The following CRYAB variants were observed in gnomAD, a reference collection of about 807,000 sequenced individuals.
The protein encoded by CRYAB is crystallin alpha B.
A neutral mutation model predicts 12.7 loss-of-function variants in CRYAB; 9 were observed. The observed-to-expected ratio is 0.71, with a 90% CI of 0.43 to 1.24. The LOEUF (loss-of-function observed/expected upper bound fraction) is 1.24. Ranked by LOEUF, CRYAB falls within the 50% of genes most tolerant of loss-of-function variation. The pLI, the probability that CRYAB is intolerant of heterozygous loss-of-function variation, is 0.00. For synonymous variants in CRYAB, 93 were observed against 86.8 expected (o/e 1.07, Z -0.40); for missense variants, 183 against 226.6 (o/e 0.81, Z 1.24).
At chr11:111,910,591 A>G (rs532359422) in intron 1 of CRYAB, 142 bp from the exon 2 acceptor site, 19 of 1,086,854 alleles carry the variant, frequency 1.7e-5, no homozygotes, top group Non-Finnish European at 2.6e-5. Flanking sequence ...CTCCTTTTTA[A>G]ATAAACATAG....
intron 1 of CRYAB, chr11:111,919,035 T>G (rs1156434917): frequency 3.7e-6 from 6 of 1,613,750 alleles, no homozygotes; most frequent in Non-Finnish European, 5.1e-6. Context: ...AAGGGGAACA[T>G]CTATCTCTGT....
At chr11:111,912,737 CTATCGAG>C, upstream of CRYAB, 1 of 975,778 alleles carries the variant, frequency 1.0e-6, no homozygotes, top group Non-Finnish European at 1.6e-6. Flanking sequence ...CCCCCACCTC[CTATCGAG>C]CCCTGGCTCT....
upstream of CRYAB, chr11:111,913,252 T>C (rs1470619652): frequency 1.5e-5 from 9 of 605,306 alleles, no homozygotes; most frequent in African/African-American, 3.7e-5. Flanking sequence ...CTCCCTTTCC[T>C]TTCCGTTCTC....
upstream of CRYAB, chr11:111,913,170 G>T: frequency 1.7e-6 from 1 of 600,656 alleles, no homozygotes; most frequent in Non-Finnish European, 3.0e-6. Context: ...GTGCCTCCTT[G>T]TCCCCCTTCT....
At chr11:111,913,001 C>A, upstream of CRYAB, 1 of 979,302 alleles carries the variant, frequency 1.0e-6, no homozygotes, top group Non-Finnish European at 1.5e-6. Flanking sequence ...CGTTGCTGGC[C>A]TCCACCCCAC....
chr11:111,918,747 G>T (rs1314985018), intron 1 of CRYAB: 1 of 682,906 alleles, frequency 1.5e-6, no homozygotes, highest in East Asian at 2.7e-5. Context: ...TCCTGAAGTT[G>T]AGATAGCTCT....
chr11:111,913,442 C>T (rs782740585), upstream of CRYAB: 78 of 1,603,752 alleles, frequency 4.9e-5, no homozygotes, highest in Non-Finnish European at 6.1e-5. Flanking sequence ...GCCCTTTAGG[C>T]CTCCTGCCAG....
intron 1 of CRYAB, chr11:111,918,837 A>T: frequency 9.9e-7 from 1 of 1,011,270 alleles, no homozygotes; most frequent in Non-Finnish European, 1.5e-6. Flanking sequence ...TGGCTTCAAA[A>T]GTCCAACCTG....
At chr11:111,920,891 C>G (rs1383504873) in intron 1 of CRYAB, among the ~76,000 whole-genome samples, 1 of 152,230 alleles carries the variant, frequency 6.6e-6, no homozygotes, top group African/African-American at 2.4e-5. Context: ...TTCTCTGTAT[C>G]CATCCTCACA....
intron 2 of CRYAB, 98 bp downstream of exon 2, chr11:111,910,229 A>G (rs782700228): frequency 1.1e-4 from 163 of 1,443,572 alleles, no homozygotes; most frequent in Admixed American, 8.3e-4. Context: ...ATGGCTTGGG[A>G]CTGGAATGTA....
intron 1 of CRYAB, 158 bp from the exon 2 acceptor site, chr11:111,910,607 T>G: frequency 1.1e-6 from 1 of 924,642 alleles, no homozygotes; most frequent in Non-Finnish European, 1.7e-6. Context: ...CATAGCTGTC[T>G]GCTTCAGGGA....
upstream of CRYAB, chr11:111,918,215 GCA>G (rs1292567325): frequency 6.5e-6 from 1 of 152,980 alleles, no homozygotes; most frequent in African/African-American, 2.4e-5. Flanking sequence ...GGAAGGAGAC[GCA>G]GAGTTGAGGG....
intron 1 of CRYAB, among the ~76,000 whole-genome samples, chr11:111,923,473 A>C (rs1965733676): frequency 6.6e-6 from 1 of 152,238 alleles, no homozygotes; most frequent in Non-Finnish European, 1.5e-5. Flanking sequence ...CAGGCAGACA[A>C]ACAGGGTTGG....
At chr11:111,915,735 G>A (rs916065322), upstream of CRYAB, among the ~76,000 whole-genome samples, 12 of 152,024 alleles carry the variant, frequency 7.9e-5, no homozygotes, top group African/African-American at 1.9e-4. Context: ...CACGGTAGTC[G>A]TTTCCATGTT....
chr11:111,914,033 G>A (rs1965557337), upstream of CRYAB: 3 of 787,332 alleles, frequency 3.8e-6, no homozygotes, highest in Admixed American at 5.8e-5. Flanking sequence ...TTGGTCCCAT[G>A]GGACATGTCA....
At chr11:111,910,081 G>T in intron 2 of CRYAB, 1 of 655,688 alleles carries the variant, frequency 1.5e-6, no homozygotes, top group Non-Finnish European at 2.7e-6. Flanking sequence ...GGCTTAAATG[G>T]GGCATCAGCA....
upstream of CRYAB, chr11:111,911,940 CA>C: frequency 3.5e-6 from 2 of 573,490 alleles, no homozygotes; most frequent in Non-Finnish European, 3.1e-6. Flanking sequence ...AAGAGAGACA[CA>C]AACACGTCTG....
chr11:111,910,726 G>A (rs190550799), intron 1 of CRYAB: 32 of 504,706 alleles, frequency 6.3e-5, no homozygotes, highest in Middle Eastern at 5.4e-4. Context: ...ATGGGTGCAA[G>A]CCTGGCATCT....
At chr11:111,913,851 C>T (rs781787278), upstream of CRYAB, 2 of 1,613,568 alleles carry the variant, frequency 1.2e-6, no homozygotes, top group Non-Finnish European at 1.7e-6. Flanking sequence ...CCCTGCGCCT[C>T]CTGATCCAGA....
Sources: allele counts gnomAD v4.1 joint callset (sites outside exome capture counted in the v4.1 genomes callset), GRCh38; gene constraint gnomAD v4.1.1; transcripts MANE v1.5; gene names NCBI Gene and HGNC (gene_info 2026-07-23, HGNC 2026-07-21).